Variants in C2orf92 observed in about 807,000 individuals in gnomAD.
The protein encoded by C2orf92 is uncharacterized protein C2orf92.
At chr2:97,690,918 A>G (rs1676116008) in intron 5 of C2orf92, 1 of 152,066 alleles carries the variant, frequency 6.6e-6, no homozygotes, top group Admixed American at 6.6e-5. Flanking sequence ...AGCTGGGACT[A>G]CAGACGCACA....
intron 1 of C2orf92, among the ~76,000 whole-genome samples, chr2:97,673,345 G>A (rs182830916): frequency 2.7e-3 from 404 of 152,132 alleles, no homozygotes; most frequent in Admixed American, 5.4e-3. Context: ...GCTATGGCTG[G>A]TCTGCAGCAC....
chr2:97,665,737 C>CTA (rs146865921), upstream of C2orf92: 112 of 29,238 alleles, frequency 3.8e-3, no homozygotes, highest in East Asian at 0.011. Context: ...CTCTCTCTCT[C>CTA]TATATATATA....
rs1012241800 is a variant in C2orf92, at chr2:97,683,073, A to T, written c.233-5822A>T. Among the ~76,000 whole-genome samples, 16 of 85,412 alleles carry T rather than the reference A, an allele frequency of 1.9e-4. 1 individual carries two copies. Among genetic ancestry groups the T allele is most frequent in the Non-Finnish European group, 2.5e-5 (1 of 40,162 alleles). The allele number at this position is 85,412 out of a possible 152,430, so 56.0% of individuals were successfully genotyped here. ...ATCTTATATGTTGAAAACCATATAG[A>T]CTCCACACACACACACACACACACA... On this transcript the variant is annotated intron_variant, in intron 3 of 7. Transcript: ENST00000627399.
At chr2:97,665,467 G>A (rs939723683), upstream of C2orf92, among the ~76,000 whole-genome samples, 4 of 152,004 alleles carry the variant, frequency 2.6e-5, no homozygotes, top group Non-Finnish European at 5.9e-5. Flanking sequence ...AGTGAGAAGC[G>A]ATTGTTTATT....
chr2:97,673,112 G>GC (rs1316460726), intron 1 of C2orf92, among the ~76,000 whole-genome samples: 1 of 152,112 alleles, frequency 6.6e-6, no homozygotes, highest in African/African-American at 2.4e-5. Flanking sequence ...CTTTGTTTCT[G>GC]CCCCCATGGC....
upstream of C2orf92, chr2:97,668,008 C>G (rs1468399534): frequency 1.3e-5 from 2 of 152,002 alleles, no homozygotes; most frequent in African/African-American, 2.4e-5. Flanking sequence ...GATTTTAGAC[C>G]CTCTTCAACC....
chr2:97,688,335 G>A (rs1002992258), intron 3 of C2orf92, among the ~76,000 whole-genome samples: 4 of 152,080 alleles, frequency 2.6e-5, no homozygotes, highest in African/African-American at 9.7e-5. Context: ...GGCTTTGTGA[G>A]GGCTGTTTTC....
At chr2:97,667,936 C>T (rs1675290018), upstream of C2orf92, 1 of 152,206 alleles carries the variant, frequency 6.6e-6, no homozygotes, top group Non-Finnish European at 1.5e-5. Context: ...GGCACTTCCA[C>T]CCCTGGGTAT....
At chr2:97,672,462 A>G (rs1425947263) in intron 1 of C2orf92, 1 of 152,242 alleles carries the variant, frequency 6.6e-6, no homozygotes, top group Non-Finnish European at 1.5e-5. Flanking sequence ...TAGCACTCGC[A>G]GTCCCCCTAG....
chr2:97,692,707 G>A (rs1184680100), intron 5 of C2orf92, among the ~76,000 whole-genome samples: 1 of 152,190 alleles, frequency 6.6e-6, no homozygotes, highest in African/African-American at 2.4e-5. Context: ...ACCATGCCCA[G>A]CCAGTTTTAC....
intron 3 of C2orf92, among the ~76,000 whole-genome samples, chr2:97,683,240 A>G (rs951172594): frequency 6.6e-6 from 1 of 152,192 alleles, no homozygotes; most frequent in African/African-American, 2.4e-5. Context: ...TATGAGAACA[A>G]TTAATTCCAT....
At chr2:97,687,926 CT>C (rs1272612725) in intron 3 of C2orf92, among the ~76,000 whole-genome samples, 22 of 150,778 alleles carry the variant, frequency 1.5e-4, no homozygotes, top group Non-Finnish European at 1.5e-5. Flanking sequence ...AGGCAGAAGC[CT>C]TGTTCTCGGC....
chr2:97,688,047 C>T (rs1048725438), intron 3 of C2orf92, among the ~76,000 whole-genome samples: 4 of 152,020 alleles, frequency 2.6e-5, no homozygotes, highest in Admixed American at 2.6e-4. Flanking sequence ...CCCATCACCC[C>T]TCAAGAGTCC....
chr2:97,701,690 AGT>A (rs1676501624), intron 7 of C2orf92, among the ~76,000 whole-genome samples: 1 of 152,232 alleles, frequency 6.6e-6, no homozygotes, highest in African/African-American at 2.4e-5. Context: ...CACGAAGGAG[AGT>A]GAGAGCAGGG....
chr2:97,673,670 G>A (rs1471700024), intron 1 of C2orf92, among the ~76,000 whole-genome samples: 2 of 152,122 alleles, frequency 1.3e-5, no homozygotes, highest in Admixed American at 1.3e-4. Context: ...TTGTAGCTCT[G>A]TGTGGCTGTG....
intron 3 of C2orf92, among the ~76,000 whole-genome samples, chr2:97,687,420 C>T (rs979206394): frequency 6.6e-6 from 1 of 152,154 alleles, no homozygotes; most frequent in South Asian, 2.1e-4. Context: ...ACCACCACCA[C>T]CACCACCACA....
chr2:97,683,951 G>A (rs975725497), intron 3 of C2orf92, among the ~76,000 whole-genome samples: 1 of 151,434 alleles, frequency 6.6e-6, no homozygotes, highest in African/African-American at 2.4e-5. Flanking sequence ...TGCAAGCTCC[G>A]CCTCCTGGGT....
At chr2:97,671,287 G>A (rs1332457248) in intron 1 of C2orf92, 1 of 379,314 alleles carries the variant, frequency 2.6e-6, no homozygotes, top group Non-Finnish European at 4.7e-6. Flanking sequence ...GGGACCACAG[G>A]TGCACACCAC....
intron 5 of C2orf92, 117 bp from the exon 6 acceptor site, chr2:97,698,909 C>T: frequency 2.5e-6 from 1 of 395,090 alleles, no homozygotes; most frequent in Non-Finnish European, 4.5e-6. Context: ...TTAGACTTTT[C>T]CCCCAAGTCC....
Sources: gnomAD v4.1 joint callset for allele counts (sites outside exome capture counted in the v4.1 genomes callset) on GRCh38, gnomAD v4.1.1 for gene constraint, MANE v1.5 for transcripts, NCBI Gene and HGNC (gene_info 2026-07-23, HGNC 2026-07-21) for gene names.